The following ATP8B4 variants were observed in gnomAD, a reference collection of about 807,000 sequenced individuals.
ATP8B4 encodes the protein probable phospholipid-transporting ATPase IM.
In ATP8B4, 133 loss-of-function variants were observed where a neutral mutation model predicts 145.6. The observed-to-expected ratio is 0.91, with a 90% CI of 0.79 to 1.05. ATP8B4 has a LOEUF of 1.05. ATP8B4 is among the 50% of genes least tolerant of loss of function. The pLI, the probability that ATP8B4 is intolerant of heterozygous loss-of-function variation, is 0.00. For missense variants in ATP8B4, 1,458 were observed against 1,425.2 expected (o/e 1.02, Z -0.37); for synonymous variants, 507 against 492.9 (o/e 1.03, Z -0.38).
At chr15:49,969,171 T>C (rs1472803864) in intron 13 of ATP8B4, among the ~76,000 whole-genome samples, 1 of 152,050 alleles carries the variant, frequency 6.6e-6, no homozygotes, top group East Asian at 1.9e-4. Flanking sequence ...AGGAGAAAGA[T>C]GGAAAGATCT....
At chr15:49,863,968 T>C (rs1314985719) in intron 26 of ATP8B4, among the ~76,000 whole-genome samples, 1 of 152,200 alleles carries the variant, frequency 6.6e-6, no homozygotes, top group African/African-American at 2.4e-5. Context: ...CTAGTCTCAT[T>C]ATGCATCACA....
At chr15:49,980,441 T>C (rs548318698) in intron 11 of ATP8B4, among the ~76,000 whole-genome samples, 1 of 152,260 alleles carries the variant, frequency 6.6e-6, no homozygotes, top group East Asian at 1.9e-4. Flanking sequence ...AAAGCAGTAT[T>C]ACACAAAGAC....
intron 3 of ATP8B4, among the ~76,000 whole-genome samples, chr15:50,061,599 A>T (rs2053028533): frequency 6.6e-6 from 1 of 152,230 alleles, no homozygotes; most frequent in Admixed American, 6.5e-5. Context: ...TTTCATATTT[A>T]AAGCATTCAA....
intron 3 of ATP8B4, among the ~76,000 whole-genome samples, chr15:50,047,788 G>A (rs1765065414): frequency 6.6e-6 from 1 of 152,176 alleles, no homozygotes; most frequent in South Asian, 2.1e-4. Flanking sequence ...TTGAGTTCCT[G>A]TTGGAGCCCG....
At chr15:50,079,509 G>T (rs182600550) in intron 2 of ATP8B4, among the ~76,000 whole-genome samples, 18 of 152,314 alleles carry the variant, frequency 1.2e-4, no homozygotes, top group African/African-American at 3.4e-4. Flanking sequence ...AGTAGTTCTG[G>T]TAGGTAATAA....
intron 1 of ATP8B4, among the ~76,000 whole-genome samples, chr15:50,170,623 TAAA>T (rs2044657703): frequency 7.3e-6 from 1 of 137,334 alleles, no homozygotes; most frequent in Admixed American, 7.5e-5. Flanking sequence ...AACTACAAGT[TAAA>T]AAGCAAAAAC....
chr15:49,884,914 A>C (rs1409613323), intron 23 of ATP8B4, among the ~76,000 whole-genome samples: 1 of 152,208 alleles, frequency 6.6e-6, no homozygotes, highest in Non-Finnish European at 1.5e-5. Context: ...GAGGTGGAAC[A>C]GTCTCATCCC....
At chr15:49,932,149 C>A (rs543170453) in intron 15 of ATP8B4, among the ~76,000 whole-genome samples, 78 of 151,696 alleles carry the variant, frequency 5.1e-4, no homozygotes, top group African/African-American at 1.9e-3. Context: ...ATAGTCATGT[C>A]CAAGATAATT....
rs142863209 is a variant in ATP8B4 at position 49,979,667 on chromosome 15, C to T, written c.984G>A (p.Trp328Ter). Reference protein sequence around the residue: ...SSVFSGFLTFWSYIIILNTVV... With the variant: ...SSVFSGFLTF Reference sequence around the variant, plus strand: ...CTGTATTGAGAATAATAATATATGACCAGAATGTTAAGAATCCGGAGAACA... The same window carrying T: ...CTGTATTGAGAATAATAATATATGATCAGAATGTTAAGAATCCGGAGAACA... The change falls in exon 12 of 28, where the codon TGG (tryptophan) becomes TGA (stop). Residue 328 changes from tryptophan (W) to a stop codon, truncating the protein, a stop_gained. Coordinates refer to ENST00000284509, the MANE Select transcript of ATP8B4 (RefSeq NM_024837.4). LOFTEE classifies it high-confidence loss of function. 6.7e-5 allele frequency: 108 copies of T among 1,603,284 alleles called. No individual in the cohort carries two copies. In the East Asian group the frequency reaches 2.1e-3, roughly 32 times the overall value.
At position 50,081,099 on chromosome 15, in the gene ATP8B4, C is replaced by A. The variant is rs375864381; in HGVS notation, c.29-6914G>T. 3.5e-3 allele frequency among the ~76,000 whole-genome samples: 489 copies of A among 138,642 alleles called. 1 individual carries two copies. The highest frequency in any genetic ancestry group is 0.013 in the African/African-American group (462 of 35,950). 91.0% of individuals were successfully genotyped at this position (138,642 alleles called of 152,430 possible). On this transcript the variant is annotated intron_variant, in intron 2 of 27. Transcript: ENST00000284509. ...CTGCACTCCAGCCTGGGGGACAGAG[C>A]GAGACTACGTCTCAAGAAAAAAAAA...
chr15:49,931,157 A>T lies in ATP8B4; in HGVS notation c.1604T>A (p.Leu535Ter), dbSNP rs937081515. Residue 535 changes from leucine to a stop codon, truncating the protein, a stop_gained, in exon 16 of 28, where the codon TTG (leucine) becomes TAG (stop). Coordinates refer to ENST00000284509, the MANE Select transcript of ATP8B4 (RefSeq NM_024837.4). LOFTEE classifies it high-confidence loss of function. ...TLVTYQLLAF[L>*]DFNNTRKRMS... ...CCTTTTTCTGGTGTTGTTGAAATCC[A>T]AAAAGGCAAGTAATTGATAAGTAAC... 1 of 1,611,836 alleles carries T rather than the reference A, an allele frequency of 6.2e-7. No individual in the cohort carries two copies. Among genetic ancestry groups the T allele is most frequent in the African/African-American group, 1.3e-5 (1 of 74,762 alleles).
intron 6 of ATP8B4, among the ~76,000 whole-genome samples, chr15:50,014,306 A>C (rs1377974596): frequency 6.6e-6 from 1 of 152,192 alleles, no homozygotes; most frequent in Non-Finnish European, 1.5e-5. Flanking sequence ...ACTCAAAAGT[A>C]TTCCCTTGCT....
intron 12 of ATP8B4, among the ~76,000 whole-genome samples, chr15:49,974,081 C>CTT (rs5812500): frequency 0.046 from 5,880 of 126,658 alleles, 284 homozygotes; most frequent in East Asian, 0.17. Flanking sequence ...TATCATTTGT[C>CTT]TTTTTTTTTT....
At chr15:50,021,626 A>G (rs1038337530) in intron 6 of ATP8B4, among the ~76,000 whole-genome samples, 7 of 151,906 alleles carry the variant, frequency 4.6e-5, no homozygotes, top group Non-Finnish European at 8.8e-5. Context: ...TCATCTCCCC[A>G]TCTCCCATCC....
chr15:50,085,543 G>A (rs2054845509), intron 2 of ATP8B4, among the ~76,000 whole-genome samples: 2 of 152,042 alleles, frequency 1.3e-5, no homozygotes, highest in South Asian at 4.2e-4. Flanking sequence ...AGATCACATG[G>A]CAACATGATC....
intron 1 of ATP8B4, among the ~76,000 whole-genome samples, chr15:50,156,102 A>ATT (rs2044411394): frequency 4.2e-5 from 1 of 23,982 alleles, no homozygotes; most frequent in Admixed American, 3.9e-4. Context: ...AAATATATAT[A>ATT]TATAAATATA....
chr15:49,985,018 C>A (rs1465606747), intron 10 of ATP8B4, among the ~76,000 whole-genome samples: 1 of 152,060 alleles, frequency 6.6e-6, no homozygotes, highest in Non-Finnish European at 1.5e-5. Context: ...ATATCTGTGT[C>A]ATCTATATTC....
At chr15:50,102,196 G>A (rs890845140) in intron 2 of ATP8B4, among the ~76,000 whole-genome samples, 2 of 151,536 alleles carry the variant, frequency 1.3e-5, no homozygotes, top group Non-Finnish European at 2.9e-5. Flanking sequence ...AGAGAAACAA[G>A]AACAAACCAA....
chr15:50,056,176 G>C (rs998356339), intron 3 of ATP8B4, among the ~76,000 whole-genome samples: 1 of 152,270 alleles, frequency 6.6e-6, no homozygotes, highest in African/African-American at 2.4e-5. Flanking sequence ...CGTGTATGAG[G>C]AGGCAAAGAG....
Sources: allele counts gnomAD v4.1 joint callset (sites outside exome capture counted in the v4.1 genomes callset), GRCh38; gene constraint gnomAD v4.1.1; transcripts MANE v1.5; gene names NCBI Gene and HGNC (gene_info 2026-07-23, HGNC 2026-07-21).